Variants in AHDC1 observed in about 807,000 individuals in gnomAD.
The protein encoded by AHDC1 is transcription factor Gibbin.
Under a neutral mutation model 87.9 loss-of-function variants are expected in AHDC1, and 7 were observed. The observed-to-expected ratio is 0.08, with a 90% CI of 0.05 to 0.15. AHDC1 has a LOEUF of 0.15. Among genes scored for constraint, AHDC1 ranks in the 10% least tolerant of loss-of-function variants. The pLI, the probability that AHDC1 is intolerant of heterozygous loss-of-function variation, is 1.00. For synonymous variants in AHDC1, 1,051 were observed against 1,006.8 expected (o/e 1.04, Z -0.83); for missense variants, 1,841 against 2,253.2 (o/e 0.82, Z 3.70).
Position 27,549,786 on chromosome 1 carries a change from G to A in AHDC1, c.2330C>T (p.Ala777Val). 6.2e-7 allele frequency: 1 copy of A among 1,613,358 alleles called. No homozygotes were observed. The highest frequency in any genetic ancestry group is 8.5e-7 in the Non-Finnish European group (1 of 1,179,958). ...EWAGDKGGGW[A>V]PHHGHPGGQA... is the part of the protein sequence containing the mutation. ...TCCGCCTGGGTGCCCATGGTGAGGG[G>A]CCCAGCCACCACCCTTATCCCCGGC... is the stretch of plus-strand genomic sequence containing the variant. Residue 777 changes from alanine (A) to valine (V), a missense_variant, in exon 8 of 9, where the codon GCC (alanine) becomes GTC (valine). This residue lies in a region of AHDC1 where 236 missense variants were observed against 257.9 expected (regional missense o/e 0.92). Transcript: ENST00000673934.
chr1:27,549,256 T>C lies in AHDC1; in HGVS notation c.2860A>G (p.Met954Val), dbSNP rs2148273796. The C allele has an allele frequency of 6.2e-7, 1 of 1,605,002 alleles. No homozygotes were observed. Among genetic ancestry groups the C allele is most frequent in the Non-Finnish European group, 8.5e-7 (1 of 1,174,320 alleles). ...GGGTGGGTGGTAGGTGAGCGGGCCA[T>C]GGCTGAGGGCGGGGGCACCAGCTTG... ...FPKLVPPPSA[M>V]ARSPTTHPPA... The change falls in exon 8 of 9, where the codon ATG (methionine) becomes GTG (valine). Residue 954 changes from methionine to valine, a missense_variant. Physicochemically the swap from Met to Val is conservative, Grantham distance 21. Coordinates refer to ENST00000673934, the MANE Select transcript of AHDC1 (RefSeq NM_001371928.1).
chr1:27,546,401 C>T (rs754492997), intron 8 of AHDC1, among the ~76,000 whole-genome samples: 4 of 152,162 alleles, frequency 2.6e-5, no homozygotes, highest in Admixed American at 2.0e-4. Context: ...GGTCACAGTA[C>T]CTGATAAAAA....
At chr1:27,569,035 C>T (rs1210403670) in intron 3 of AHDC1, among the ~76,000 whole-genome samples, 4 of 140,678 alleles carry the variant, frequency 2.8e-5, no homozygotes, top group African/African-American at 8.0e-5. Context: ...CTGCCCTGAA[C>T]CCCCCCGCCC....
chr1:27,555,960 C>T (rs1171276430), intron 5 of AHDC1, among the ~76,000 whole-genome samples: 3 of 152,210 alleles, frequency 2.0e-5, no homozygotes, highest in African/African-American at 7.2e-5. Context: ...CCTCACCACA[C>T]CCCGGCGGCC....
chr1:27,559,913 T>C (rs2019992490), intron 3 of AHDC1, among the ~76,000 whole-genome samples: 1 of 152,222 alleles, frequency 6.6e-6, no homozygotes, highest in Non-Finnish European at 1.5e-5. Flanking sequence ...ATTCTGCCTG[T>C]GCAAATGCAT....
At chr1:27,588,358 A>G (rs900599430) in intron 3 of AHDC1, among the ~76,000 whole-genome samples, 2 of 152,222 alleles carry the variant, frequency 1.3e-5, no homozygotes, top group African/African-American at 4.8e-5. Context: ...GCTCATGTCC[A>G]TCTTGGTCAC....
Position 27,602,986 on chromosome 1 carries a change from T to TCCC in AHDC1, c.-629+408_-629+410dup, listed in dbSNP as rs552714980. On this transcript the variant is annotated intron_variant, in intron 3 of 8. Coordinates refer to ENST00000673934, the MANE Select transcript of AHDC1 (RefSeq NM_001371928.1). ...TCCGCTCCCACGGTCCCCCCTTCAT[T>TCCC]CCCCCCCCCCCCACATTCTCAGCAA... Among the ~76,000 whole-genome samples the TCCC allele has an allele frequency of 9.6e-4, 67 of 69,858 alleles. 1 individual carries two copies. Among genetic ancestry groups the TCCC allele is most frequent in the African/African-American group, 3.5e-3 (56 of 15,804 alleles). 45.8% of individuals were successfully genotyped at this position (69,858 alleles called of 152,430 possible). A position where few individuals can be genotyped will look rare whatever the true frequency, so the allele number is the denominator to read the frequency against.
chr1:27,568,608 G>A (rs2020425939), intron 3 of AHDC1, among the ~76,000 whole-genome samples: 1 of 152,014 alleles, frequency 6.6e-6, no homozygotes, highest in Admixed American at 6.5e-5. Flanking sequence ...CGCGCGGGCC[G>A]GGCTCCCGGA....
chr1:27,540,768 G>A (rs936919311), intron 8 of AHDC1, among the ~76,000 whole-genome samples: 1 of 151,954 alleles, frequency 6.6e-6, no homozygotes, highest in Admixed American at 6.6e-5. Flanking sequence ...GGGAGGGTGT[G>A]TGTGAGGAAG....
chr1:27,567,852 T>C (rs1218274715), intron 3 of AHDC1, among the ~76,000 whole-genome samples: 2 of 152,124 alleles, frequency 1.3e-5, no homozygotes, highest in Non-Finnish European at 2.9e-5. Context: ...CAGAGGAAGG[T>C]AGGCCTAGGG....
chr1:27,578,455 G>C (rs2088818819), intron 3 of AHDC1, among the ~76,000 whole-genome samples: 1 of 151,776 alleles, frequency 6.6e-6, no homozygotes, highest in South Asian at 2.1e-4. Context: ...TGGGTGTGGT[G>C]GTGGGCACCT....
intron 5 of AHDC1, among the ~76,000 whole-genome samples, chr1:27,555,472 C>T (rs1281139929): frequency 6.6e-6 from 1 of 152,202 alleles, no homozygotes; most frequent in Admixed American, 6.5e-5. Context: ...CTCGTTGTCC[C>T]ACCTACTGGT....
rs2089607746 is a variant in AHDC1, at chr1:27,603,734, G to A, written c.-733C>T. 6.8e-6 allele frequency: 1 copy of A among 146,006 alleles called. No individual in the cohort carries two copies. Among genetic ancestry groups the A allele is most frequent in the African/African-American group, 2.5e-5 (1 of 39,220 alleles). The allele number at this position is 146,006 out of a possible 1,614,324, so 9.0% of individuals were successfully genotyped here. ...ACCCCCCCCAATAGCAAACCTGGGA[G>A]GGAACGCGCCCCGCGTAGTCCTCCT... On this transcript the variant is annotated 5_prime_UTR_variant, in exon 2 of 9. Transcript: ENST00000673934.
In AHDC1 at chr1:27,551,990, C is replaced by T; in HGVS notation, c.126G>A (p.Arg42=). ...CCTTGTCAGGTGGGCTGGCAGGGGGCCGGGTGGGAAGCAGGGGCCGGGGGG... is the reference window on the plus strand; with the variant it reads ...CCTTGTCAGGTGGGCTGGCAGGGGGTCGGGTGGGAAGCAGGGGCCGGGGGG... The part of the protein sequence containing the change: ...PPTPRPLLPT[R]PPASPPDKAF... The change falls in exon 8 of 9, where the codon CGG becomes CGA. Residue 42 remains arginine, a synonymous_variant. Coordinates refer to ENST00000673934, the MANE Select transcript of AHDC1 (RefSeq NM_001371928.1). 1.8e-6 allele frequency: 1 copy of T among 551,570 alleles called. No individual in the cohort carries two copies. The highest frequency in any genetic ancestry group is 5.1e-5 in the African/African-American group (1 of 19,732). 34.2% of individuals were successfully genotyped at this position (551,570 alleles called of 1,614,324 possible).
intron 8 of AHDC1, among the ~76,000 whole-genome samples, chr1:27,537,558 G>T (rs2018700116): frequency 1.3e-5 from 2 of 152,142 alleles, no homozygotes; most frequent in African/African-American, 4.8e-5. Flanking sequence ...CTCCGGCCTT[G>T]CACACCTTCA....
rs576612544 is a variant in AHDC1 at position 27,563,149 on chromosome 1, CCACA to C, written c.-628-4270_-628-4267del. ...CGCACGCACGCATGCATGCACACAC[CCACA>C]CAAAGAACCTGTCACATAGTTGACC... On this transcript the variant is annotated intron_variant, in intron 3 of 8. Transcript: ENST00000673934. This position sits in a 1 kb window ranked among gnomAD's most constrained non-coding sequence, Gnocchi z 6.1. 1.2e-3 allele frequency among the ~76,000 whole-genome samples: 174 copies of C among 150,752 alleles called. No homozygotes were observed. Among genetic ancestry groups the C allele is most frequent in the African/African-American group, 2.3e-3 (96 of 40,878 alleles).
chr1:27,548,660 C>T lies in AHDC1; in HGVS notation c.3456G>A (p.Lys1152=), dbSNP rs770843518. The stretch of plus-strand genomic sequence containing the variant: ...CCGACACAGCCGTCTGCTGCTTCAC[C>T]TTCTGCGGTGTGTAGTTGGAGATGT... ...ILDISNYTPQ[K]VKQQTAVSET... The change falls in exon 8 of 9, where the codon AAG becomes AAA. Residue 1152 remains lysine, a synonymous_variant. Coordinates refer to ENST00000673934, the MANE Select transcript of AHDC1 (RefSeq NM_001371928.1). 4 of 1,613,470 alleles carry T rather than the reference C, an allele frequency of 2.5e-6. No individual in the cohort carries two copies. The East Asian group carries it at 8.9e-5, about 36-fold the overall frequency.
In AHDC1 at chr1:27,549,151, C is replaced by T. The variant is rs1255520816; in HGVS notation, c.2965G>A (p.Gly989Ser). The T allele has an allele frequency of 6.4e-7, 1 of 1,563,304 alleles. No homozygotes were observed. Among genetic ancestry groups the T allele is most frequent in the Admixed American group, 1.8e-5 (1 of 56,314 alleles). The stretch of plus-strand genomic sequence containing the variant: ...TCCTTGCTGTTAGCGCAGTCCTGGC[C>T]TGTAAAGGGCTTAGTTGGGGCGAAT... ...SVFAPTKPFT[G>S]QDCANSKDCS... Residue 989 changes from glycine to serine, a missense_variant, in exon 8 of 9, where the codon GGC (glycine) becomes AGC (serine). By Grantham distance (56) the Gly-to-Ser change is moderately conservative. Transcript: ENST00000673934.
intron 3 of AHDC1, among the ~76,000 whole-genome samples, chr1:27,584,376 C>T (rs957928553): frequency 1.3e-5 from 2 of 152,210 alleles, no homozygotes; most frequent in South Asian, 4.1e-4. Flanking sequence ...ATTTGAGCCT[C>T]ACAAAACCCT....
Sources: gnomAD v4.1 joint callset for allele counts (sites outside exome capture counted in the v4.1 genomes callset) on GRCh38, gnomAD v4.1.1 for gene constraint, gnomAD v4.1.1 regional missense constraint, Gnocchi (gnomAD v3.1) non-coding constraint, MANE v1.5 for transcripts, NCBI Gene and HGNC (gene_info 2026-07-23, HGNC 2026-07-21) for gene names.